The following ANXA4 variants were observed in gnomAD, a reference collection of about 807,000 sequenced individuals.
ANXA4 encodes 35-beta calcimedin.
ANXA4 carries 39 observed loss-of-function variants against 49.8 expected under a neutral mutation model. The observed-to-expected ratio is 0.78, with a 90% confidence interval of 0.61 to 1.02. ANXA4 has a LOEUF of 1.02. ANXA4 is among the 50% of genes least tolerant of loss of function. The probability of loss-of-function intolerance (pLI) is 0.00; values close to 1 mark genes in which losing one functional copy is unlikely to be tolerated. For missense variants in ANXA4, 360 were observed against 410.1 expected (o/e 0.88, Z 1.05); for synonymous variants, 134 against 152.5 (o/e 0.88, Z 0.89).
chr2:69,721,075 G>A (rs1473173147), intron 3 of ANXA4, among the ~76,000 whole-genome samples: 1 of 152,252 alleles, frequency 6.6e-6, no homozygotes, highest in East Asian at 1.9e-4. Flanking sequence ...TGGGAGGTCT[G>A]GCCACCCTGG....
chr2:69,791,042 C>T (rs1672671871), intron 3 of ANXA4, among the ~76,000 whole-genome samples: 1 of 152,180 alleles, frequency 6.6e-6, no homozygotes, highest in African/African-American at 2.4e-5. Flanking sequence ...CTTAGATTGG[C>T]TTTGATGGAA....
chr2:69,712,723 GA>G (rs1313371913), intron 2 of ANXA4, among the ~76,000 whole-genome samples: 1 of 152,172 alleles, frequency 6.6e-6, no homozygotes, highest in Non-Finnish European at 1.5e-5. Context: ...AGAACTGGAG[GA>G]CCAACATTAG....
upstream of ANXA4, among the ~76,000 whole-genome samples, chr2:69,739,560 T>C (rs1245803428): frequency 6.6e-6 from 1 of 151,148 alleles, no homozygotes; most frequent in Admixed American, 6.6e-5. Context: ...CGTGCGTCAC[T>C]AGGCTTGGCT....
intron 1 of ANXA4, among the ~76,000 whole-genome samples, chr2:69,773,672 C>T (rs1294609717): frequency 8.0e-5 from 11 of 138,144 alleles, no homozygotes; most frequent in African/African-American, 2.4e-4. Context: ...TGCTCTGTCA[C>T]CCAGGCTAGA....
At chr2:69,813,410 G>A (rs2312555) in intron 8 of ANXA4, among the ~76,000 whole-genome samples, 68,507 of 151,818 alleles carry the variant, frequency 0.45, 15,601 homozygotes, top group East Asian at 0.58. Flanking sequence ...CACCATACCC[G>A]GCTAATTTTT....
chr2:69,776,379 T>C (rs934192307), intron 1 of ANXA4, among the ~76,000 whole-genome samples: 3 of 152,128 alleles, frequency 2.0e-5, no homozygotes, highest in Non-Finnish European at 2.9e-5. Flanking sequence ...TTCTTTCTCT[T>C]CCCAAACCAC....
chr2:69,717,203 A>T (rs1040781565), intron 2 of ANXA4, among the ~76,000 whole-genome samples: 3 of 152,192 alleles, frequency 2.0e-5, no homozygotes, highest in Admixed American at 2.0e-4. Flanking sequence ...GAACATGCCC[A>T]TTTAAAAGCA....
chr2:69,667,074 GAAATA>G (rs556026006), intron 2 of ANXA4, among the ~76,000 whole-genome samples: 33 of 150,854 alleles, frequency 2.2e-4, no homozygotes, highest in African/African-American at 3.9e-4. Flanking sequence ...AAAATAAAAT[GAAATA>G]AAATAAAATA....
intron 4 of ANXA4, among the ~76,000 whole-genome samples, chr2:69,805,570 C>T (rs35689321): frequency 0.23 from 34,756 of 150,118 alleles, 4,397 homozygotes; most frequent in East Asian, 0.39. Context: ...CGTGCCACTG[C>T]GCTCCAGCCT....
chr2:69,781,515 C>A lies in ANXA4; in HGVS notation c.-46-5C>A. 6.2e-7 allele frequency: 1 copy of A among 1,611,092 alleles called. No individual in the cohort carries two copies. Among genetic ancestry groups the A allele is most frequent in the Non-Finnish European group, 8.5e-7 (1 of 1,177,606 alleles). On this transcript the variant is annotated splice_polypyrimidine_tract_variant and splice_region_variant and intron_variant, in intron 1 of 12. Transcript: ENST00000394295. ...ACAGTAATTTCCCCTCTGCTTTTATCACAGAAGAACTTCTGCTTGGGTGGC... is the reference window on the plus strand; with the variant it reads ...ACAGTAATTTCCCCTCTGCTTTTATAACAGAAGAACTTCTGCTTGGGTGGC...
chr2:69,692,499 C>G (rs910506171), intron 2 of ANXA4, among the ~76,000 whole-genome samples: 15 of 152,166 alleles, frequency 9.9e-5, no homozygotes, highest in African/African-American at 3.4e-4. Context: ...AGTTCCATAA[C>G]AGTATATATA....
At position 69,818,667 on chromosome 2, in the gene ANXA4, A is replaced by G. The variant is rs1674104447; in HGVS notation, c.697A>G (p.Ser233Gly). Reference protein sequence around the residue: ...EQSIKSETSGSFEDALLAIVK... With the variant: ...EQSIKSETSGGFEDALLAIVK... ...GAGTATTAAATCTGAAACATCTGGT[A>G]GCTTTGAAGATGCTCTGCTGGCTAT... Residue 233 changes from serine (S) to glycine (G), a missense_variant, in exon 10 of 13, where the codon AGC becomes GGC. By Grantham distance (56) the Ser-to-Gly change is moderately conservative (BLOSUM62 0). Transcript: ENST00000394295. 2 of 1,609,526 alleles carry G rather than the reference A, an allele frequency of 1.2e-6. No individual in the cohort carries two copies.
chr2:69,810,602 C>T lies in ANXA4; in HGVS notation c.406C>T (p.Arg136Trp), dbSNP rs775250634. The change falls in exon 7 of 13, where the codon CGG (arginine) becomes TGG (tryptophan). Residue 136 changes from arginine (R) to tryptophan (W), a missense_variant. Physicochemically the swap from Arg to Trp is moderately radical, Grantham distance 101. Transcript: ENST00000394295. ...TTTCACTCTCTTGCTAGAATATGGA[C>T]GGAGCCTTGAAGATGACATTCGCTC... ...ISQTYQQQYG[R>W]SLEDDIRSDT... 8 of 1,613,766 alleles carry T rather than the reference C, an allele frequency of 5.0e-6. No individual in the cohort carries two copies. Among genetic ancestry groups the T allele is most frequent in the South Asian group, 2.2e-5 (2 of 91,078 alleles).
chr2:69,754,258 T>C (rs1012362626), intron 1 of ANXA4, among the ~76,000 whole-genome samples: 4 of 152,190 alleles, frequency 2.6e-5, no homozygotes, highest in African/African-American at 9.7e-5. Context: ...TCATACTTGA[T>C]GTAAGGTCAT....
intron 1 of ANXA4, among the ~76,000 whole-genome samples, chr2:69,768,035 G>A (rs1047622220): frequency 2.0e-5 from 3 of 151,694 alleles, no homozygotes; most frequent in Non-Finnish European, 2.9e-5. Context: ...TAGTATATGC[G>A]AGTATATATT....
At chr2:69,710,541 A>G (rs1678644507) in intron 2 of ANXA4, among the ~76,000 whole-genome samples, 1 of 152,330 alleles carries the variant, frequency 6.6e-6, no homozygotes, top group Non-Finnish European at 1.5e-5. Context: ...GATTATTTCC[A>G]TAGGCAAAAT....
chr2:69,812,628 TTTTA>T, intron 7 of ANXA4, 21 bp from the exon 8 acceptor site: 1 of 1,607,474 alleles, frequency 6.2e-7, no homozygotes, highest in Middle Eastern at 1.7e-4. Context: ...TCGAATTATT[TTTTA>T]TTTGTTTTTC....
chr2:69,808,650 A>G (rs974912328), intron 6 of ANXA4: 7 of 151,866 alleles, frequency 4.6e-5, no homozygotes, highest in African/African-American at 1.7e-4. Context: ...ATTAAAGAGT[A>G]TTTTTTTCTT....
rs183819964 is a variant in ANXA4 at position 69,674,878 on chromosome 2, A to T, written n.766+21596A>T. ...CAGTAACACTATTGATAATTTTTTT[A>T]AAATCTCATTTCAAAAATTGTACTC... On this transcript the variant is annotated intron_variant and non_coding_transcript_variant, in intron 2 of 3. Transcript: ENST00000418066. Among the ~76,000 whole-genome samples the T allele has an allele frequency of 7.2e-3, 1,103 of 152,158 alleles. 14 individuals carry two copies. The highest frequency in any genetic ancestry group is 0.025 in the African/African-American group (1,046 of 41,492).
Sources: gnomAD v4.1 joint callset for allele counts (sites outside exome capture counted in the v4.1 genomes callset) on GRCh38, gnomAD v4.1.1 for gene constraint, MANE v1.5 for transcripts, NCBI Gene and HGNC (gene_info 2026-07-23, HGNC 2026-07-21) for gene names.